The following GALNT9 variants were observed in gnomAD, a reference collection of about 807,000 sequenced individuals.
The protein encoded by GALNT9 is GalNAc transferase 9.
In GALNT9, 47 loss-of-function variants were observed where a neutral mutation model predicts 63.1. The ratio of observed to expected loss-of-function variants is 0.75; its 90% CI spans 0.59 to 0.95. GALNT9 has a LOEUF of 0.95. Among genes scored for constraint, GALNT9 ranks in the 40% least tolerant of loss-of-function variants. GALNT9 has a pLI of 0.00. For synonymous variants in GALNT9, 396 were observed against 365.7 expected (o/e 1.08, Z -0.94); for missense variants, 829 against 874.8 (o/e 0.95, Z 0.66).
chr12:132,207,580 C>A (rs1814481662), intron 6 of GALNT9, among the ~76,000 whole-genome samples: 1 of 152,172 alleles, frequency 6.6e-6, no homozygotes, highest in Non-Finnish European at 1.5e-5. Flanking sequence ...TCTCTCGGCC[C>A]TCGGGTCCCC....
chr12:132,240,537 G>A (rs2136898523), intron 6 of GALNT9: 4 of 443,948 alleles, frequency 9.0e-6, no homozygotes, highest in Admixed American at 5.0e-5. Flanking sequence ...CTGTGGGCCT[G>A]GCGTGGCCCC....
At chr12:132,221,051 CAAAAAAAAAAAA>C (rs550355613) in intron 6 of GALNT9, among the ~76,000 whole-genome samples, 1 of 71,016 alleles carries the variant, frequency 1.4e-5, no homozygotes, top group Non-Finnish European at 2.5e-5. Flanking sequence ...GAGATTGTGT[CAAAAAAAAAAAA>C]AAAAAAAAAG....
Position 132,236,703 on chromosome 12 carries a change from G to C in GALNT9, c.1077+11207C>G, listed in dbSNP as rs565320558. On this transcript the variant is annotated intron_variant, in intron 6 of 10. Coordinates refer to ENST00000328957, the MANE Select transcript of GALNT9 (RefSeq NM_001122636.2). This position sits in a 1 kb window ranked among gnomAD's most constrained non-coding sequence, Gnocchi z 5.6. ...CCAGCCTCGCAAGGTGTAAGGTTTCGGGGCATCAAGCCTGGCCTCGGCCAG... is the reference window on the plus strand; with the variant it reads ...CCAGCCTCGCAAGGTGTAAGGTTTCCGGGCATCAAGCCTGGCCTCGGCCAG... 6.6e-6 allele frequency among the ~76,000 whole-genome samples: 1 copy of C among 152,182 alleles called. No homozygotes were observed. Among genetic ancestry groups the C allele is most frequent in the Non-Finnish European group, 1.5e-5 (1 of 68,028 alleles).
chr12:132,288,726 G>T (rs1240719452), intron 1 of GALNT9, among the ~76,000 whole-genome samples: 1 of 151,452 alleles, frequency 6.6e-6, no homozygotes, highest in African/African-American at 2.4e-5. Flanking sequence ...CTGGACGGCT[G>T]CCCGATGCCC....
intron 6 of GALNT9, among the ~76,000 whole-genome samples, chr12:132,226,678 A>G (rs1387795360): frequency 9.2e-6 from 1 of 108,242 alleles, no homozygotes. Context: ...CACACTGTAC[A>G]TACACACCAA....
At chr12:132,257,655 A>G (rs782578540) in intron 5 of GALNT9, 34 bp downstream of exon 5, 3 of 1,503,780 alleles carry the variant, frequency 2.0e-6, no homozygotes, top group Non-Finnish European at 2.7e-6. Context: ...CTTGCCGGGC[A>G]GGGCCGCCCT....
Position 132,201,109 on chromosome 12 carries a change from C to T in GALNT9, c.1401+15G>A, listed in dbSNP as rs200971052. 270 of 1,610,456 alleles carry T rather than the reference C, an allele frequency of 1.7e-4. No individual in the cohort carries two copies. The highest frequency in any genetic ancestry group is 1.7e-4 in the African/African-American group (13 of 74,810). On this transcript the variant is annotated intron_variant, in intron 8 of 10. Coordinates refer to ENST00000328957, the MANE Select transcript of GALNT9 (RefSeq NM_001122636.2). Reference sequence around the variant, plus strand: ...AGCCTGTCGGGCCGAACGGGGCCCTCGGGGGAGGTGCTACCTCTCCGTACG... The same window carrying T: ...AGCCTGTCGGGCCGAACGGGGCCCTTGGGGGAGGTGCTACCTCTCCGTACG...
Position 132,296,344 on chromosome 12 carries a change from A to G in GALNT9, c.239-9914T>C, listed in dbSNP as rs1231919589. ...GACACAGGTCTGTCTGGGATCCAAG[A>G]GCAGGAGATGCCCACGCTCACCACC... On this transcript the variant is annotated intron_variant, in intron 1 of 10. Transcript: ENST00000328957. This position sits in a 1 kb window ranked among gnomAD's most constrained non-coding sequence, Gnocchi z 4.2. Among the ~76,000 whole-genome samples the G allele has an allele frequency of 2.0e-5, 3 of 152,212 alleles. No homozygotes were observed. Among genetic ancestry groups the G allele is most frequent in the African/African-American group, 7.2e-5 (3 of 41,460 alleles).
intron 1 of GALNT9, among the ~76,000 whole-genome samples, chr12:132,321,967 C>A (rs1482807192): frequency 1.3e-5 from 2 of 150,916 alleles, no homozygotes; most frequent in Non-Finnish European, 3.0e-5. Context: ...ACCACCCCAG[C>A]CCCCGCCTCG....
chr12:132,212,018 G>A (rs970667594), intron 6 of GALNT9, among the ~76,000 whole-genome samples: 2 of 152,232 alleles, frequency 1.3e-5, no homozygotes, highest in African/African-American at 2.4e-5. Context: ...TGGACACTCC[G>A]CATGGCAGCG....
chr12:132,196,559 C>A lies in GALNT9; in HGVS notation c.*548G>T. 1.0e-6 allele frequency: 1 copy of A among 986,642 alleles called. No individual in the cohort carries two copies. Among genetic ancestry groups the A allele is most frequent in the Non-Finnish European group, 1.2e-6 (1 of 830,808 alleles). 61.1% of individuals were successfully genotyped at this position (986,642 alleles called of 1,614,324 possible). A position where few individuals can be genotyped will look rare whatever the true frequency, so the allele number is the denominator to read the frequency against. ...TCTCTGCTGAAGCAGTCGTGCCAGC[C>A]TCCTAGACACGGCCTCAGGTTTGTC... is the stretch of plus-strand genomic sequence containing the variant. On this transcript the variant is annotated 3_prime_UTR_variant, in exon 11 of 11. Transcript: ENST00000328957.
intron 2 of GALNT9, among the ~76,000 whole-genome samples, chr12:132,262,880 C>T (rs1329940004): frequency 6.6e-6 from 1 of 152,156 alleles, no homozygotes; most frequent in Admixed American, 6.5e-5. Flanking sequence ...CTGGACCCTA[C>T]AACCAGACGC....
At chr12:132,303,236 T>C (rs1030478407) in intron 1 of GALNT9, among the ~76,000 whole-genome samples, 9 of 151,894 alleles carry the variant, frequency 5.9e-5, no homozygotes, top group Admixed American at 2.6e-4. Flanking sequence ...CCTGAGTGGA[T>C]TCGTCACCAG....
chr12:132,294,110 C>T (rs1199980889), intron 1 of GALNT9, among the ~76,000 whole-genome samples: 1 of 152,256 alleles, frequency 6.6e-6, no homozygotes, highest in Non-Finnish European at 1.5e-5. Context: ...CTTTGATATC[C>T]TGGTGACCAC....
At position 132,310,136 on chromosome 12, in the gene GALNT9, G is replaced by A. The variant is rs781785908; in HGVS notation, c.238+18830C>T. Among the ~76,000 whole-genome samples the A allele has an allele frequency of 1.3e-5, 2 of 152,196 alleles. No homozygotes were observed. Among genetic ancestry groups the A allele is most frequent in the East Asian group, 1.9e-4 (1 of 5,190 alleles). On this transcript the variant is annotated intron_variant, in intron 1 of 10. Transcript: ENST00000328957. The surrounding 1 kb of genome is among the most constrained non-coding windows in gnomAD (Gnocchi z 4.8). ...TGCCTGGAACCAGGACTCAATGCTC[G>A]GGGCTGGAGCAGCCAATGTGTGACC... is the stretch of plus-strand genomic sequence containing the variant.
intron 6 of GALNT9, chr12:132,240,465 C>A: frequency 2.7e-6 from 1 of 375,400 alleles, no homozygotes; most frequent in Non-Finnish European, 5.2e-6. Context: ...CAGAACGGAG[C>A]AAGAATAGCC....
Position 132,319,776 on chromosome 12 carries a change from G to A in GALNT9, c.238+9190C>T, listed in dbSNP as rs1324280014. 6.6e-6 allele frequency among the ~76,000 whole-genome samples: 1 copy of A among 152,182 alleles called. No homozygotes were observed. Among genetic ancestry groups the A allele is most frequent in the Non-Finnish European group, 1.5e-5 (1 of 68,016 alleles). On this transcript the variant is annotated intron_variant, in intron 1 of 10. Coordinates refer to ENST00000328957, the MANE Select transcript of GALNT9 (RefSeq NM_001122636.2). This position sits in a 1 kb window ranked among gnomAD's most constrained non-coding sequence, Gnocchi z 5.2. ...TCGGGTGCTCCTCCCGCAGCCCCAC[G>A]TAGACAGAAGACATTCCTCGGGCCT...
At chr12:132,304,359 G>A (rs868911628) in intron 1 of GALNT9, among the ~76,000 whole-genome samples, 42 of 84,362 alleles carry the variant, frequency 5.0e-4, no homozygotes, top group Middle Eastern at 8.6e-3. Context: ...ACCCTCACCC[G>A]GGCACAGCCT....
chr12:132,280,949 C>G (rs1418356447), intron 2 of GALNT9: 3 of 152,314 alleles, frequency 2.0e-5, no homozygotes, highest in African/African-American at 7.2e-5. Context: ...GAGGCTCTGC[C>G]TCTAAGCCTT....
Sources: allele counts gnomAD v4.1 joint callset (sites outside exome capture counted in the v4.1 genomes callset), GRCh38; gene constraint gnomAD v4.1.1; non-coding constraint Gnocchi (gnomAD v3.1); transcripts MANE v1.5; gene names NCBI Gene and HGNC (gene_info 2026-07-23, HGNC 2026-07-21).